The following CMSS1 variants were observed in gnomAD, a reference collection of about 807,000 sequenced individuals.
CMSS1 encodes cms1 ribosomal small subunit homolog.
Under a neutral mutation model 43.5 loss-of-function variants are expected in CMSS1, and 33 were observed. The observed-to-expected ratio is 0.76, with a 90% CI of 0.57 to 1.01. The LOEUF (loss-of-function observed/expected upper bound fraction) is 1.01, where lower values mean the gene tolerates loss of function less well. Among genes scored for constraint, CMSS1 ranks in the 50% least tolerant of loss-of-function variants. The pLI is 0.00. For missense variants in CMSS1, 313 were observed against 326.4 expected (o/e 0.96, Z 0.32); for synonymous variants, 115 against 117.2 (o/e 0.98, Z 0.12).
chr3:100,164,406 A>G (rs1339637208), intron 4 of CMSS1, among the ~76,000 whole-genome samples: 1 of 152,200 alleles, frequency 6.6e-6, no homozygotes, highest in African/African-American at 2.4e-5. Flanking sequence ...GAGAGAGTCA[A>G]AGCTCAGAAG....
intron 1 of CMSS1, among the ~76,000 whole-genome samples, chr3:100,015,020 T>C (rs991917060): frequency 6.6e-6 from 1 of 151,168 alleles, no homozygotes; most frequent in Non-Finnish European, 1.5e-5. Flanking sequence ...AGTTTTATAA[T>C]TTCAGGTTTT....
chr3:100,047,082 T>C (rs193174832), intron 1 of CMSS1, among the ~76,000 whole-genome samples: 142 of 152,368 alleles, frequency 9.3e-4, no homozygotes, highest in African/African-American at 3.2e-3. Flanking sequence ...CCAAAACTGC[T>C]AAATGTTTAG....
intron 3 of CMSS1, among the ~76,000 whole-genome samples, chr3:100,161,053 CT>C (rs2067019113): frequency 6.6e-6 from 1 of 152,146 alleles, no homozygotes; most frequent in African/African-American, 2.4e-5. Flanking sequence ...CATATACAAA[CT>C]TTTTTATGGC....
At chr3:99,942,233 A>T (rs1231474274) in intron 1 of CMSS1, among the ~76,000 whole-genome samples, 4 of 151,886 alleles carry the variant, frequency 2.6e-5, no homozygotes, top group Non-Finnish European at 5.9e-5. Flanking sequence ...TGTTAATCTT[A>T]TTAGATGTGT....
chr3:100,075,815 A>AT (rs1163460155), intron 1 of CMSS1, among the ~76,000 whole-genome samples: 3 of 152,104 alleles, frequency 2.0e-5, no homozygotes, highest in Non-Finnish European at 4.4e-5. Context: ...GGGGCAATTT[A>AT]TCTCTGAGCT....
At chr3:99,876,524 G>A (rs1705533702) in intron 1 of CMSS1, among the ~76,000 whole-genome samples, 1 of 152,224 alleles carries the variant, frequency 6.6e-6, no homozygotes, top group African/African-American at 2.4e-5. Flanking sequence ...TACACATCCT[G>A]TTATTCTTAT....
At chr3:100,039,266 G>A (rs1187491949) in intron 1 of CMSS1, among the ~76,000 whole-genome samples, 1 of 152,084 alleles carries the variant, frequency 6.6e-6, no homozygotes, top group Non-Finnish European at 1.5e-5. Context: ...AAAAAACTGA[G>A]CAACCTTTTC....
At chr3:100,089,730 T>C (rs2066071396) in intron 1 of CMSS1, among the ~76,000 whole-genome samples, 1 of 152,220 alleles carries the variant, frequency 6.6e-6, no homozygotes, top group Non-Finnish European at 1.5e-5. Flanking sequence ...TAAGAATTCA[T>C]TGCTCGTTAA....
Position 99,928,870 on chromosome 3 carries a change from C to T in CMSS1, c.64+110827C>T, listed in dbSNP as rs181038688. Among the ~76,000 whole-genome samples the T allele has an allele frequency of 3.9e-5, 6 of 152,326 alleles. No individual in the cohort carries two copies. The East Asian group carries it at 1.2e-3, about 29-fold the overall frequency. ...AAATTTGGATTAAAGTGCAAATCAA[C>T]AGACTTTGGGTGGTCTCATCCTCAC... On this transcript the variant is annotated intron_variant, in intron 1 of 9. Transcript: ENST00000421999.
intron 1 of CMSS1, among the ~76,000 whole-genome samples, chr3:99,939,563 A>G (rs1280293567): frequency 6.6e-6 from 1 of 152,208 alleles, no homozygotes; most frequent in Non-Finnish European, 1.5e-5. Context: ...TTTCCCAGAT[A>G]TTAAACACAA....
intron 1 of CMSS1, among the ~76,000 whole-genome samples, chr3:99,981,176 A>C (rs1709112686): frequency 6.6e-6 from 1 of 152,180 alleles, no homozygotes; most frequent in African/African-American, 2.4e-5. Context: ...TGGTGCCAAT[A>C]GTTCTTTGAC....
chr3:100,129,379 ATTACC>A (rs993753835), intron 1 of CMSS1, among the ~76,000 whole-genome samples: 9 of 152,236 alleles, frequency 5.9e-5, no homozygotes, highest in African/African-American at 2.2e-4. Flanking sequence ...GGAAACCAAC[ATTACC>A]TTTGCTCTTT....
intron 1 of CMSS1, among the ~76,000 whole-genome samples, chr3:100,024,282 G>A (rs1365777933): frequency 2.0e-5 from 3 of 152,218 alleles, no homozygotes; most frequent in South Asian, 2.1e-4. Context: ...TAGGTTTGCC[G>A]ATTACAATTT....
At chr3:99,999,130 A>G (rs556726703) in intron 1 of CMSS1, among the ~76,000 whole-genome samples, 2 of 150,900 alleles carry the variant, frequency 1.3e-5, no homozygotes, top group South Asian at 4.2e-4. Context: ...TGCCAGTTTT[A>G]TGCCATGAAT....
intron 6 of CMSS1, among the ~76,000 whole-genome samples, chr3:100,170,934 C>G (rs944135696): frequency 6.6e-6 from 1 of 152,142 alleles, no homozygotes; most frequent in African/African-American, 2.4e-5. Context: ...GTGACTTGCC[C>G]ATATTTAAAA....
At chr3:100,056,377 G>GA (rs1312289940) in intron 1 of CMSS1, among the ~76,000 whole-genome samples, 1 of 152,126 alleles carries the variant, frequency 6.6e-6, no homozygotes, top group African/African-American at 2.4e-5. Context: ...AGGCTTTTTA[G>GA]AAACTTACAG....
At chr3:99,883,100 A>C (rs1003534322) in intron 1 of CMSS1, among the ~76,000 whole-genome samples, 2 of 152,216 alleles carry the variant, frequency 1.3e-5, no homozygotes, top group Non-Finnish European at 2.9e-5. Flanking sequence ...AGATATGTCA[A>C]AAGTCTTGTG....
chr3:99,818,447 A>T (rs891660946), intron 1 of CMSS1, among the ~76,000 whole-genome samples: 1 of 152,204 alleles, frequency 6.6e-6, no homozygotes, highest in Non-Finnish European at 1.5e-5. Flanking sequence ...CAGTATTCTG[A>T]TACTGTTTAG....
intron 1 of CMSS1, among the ~76,000 whole-genome samples, chr3:100,111,977 T>G (rs991309380): frequency 6.6e-5 from 10 of 152,216 alleles, no homozygotes; most frequent in African/African-American, 2.4e-4. Context: ...TCAGGGCATC[T>G]GGAGACCATG....
Sources: allele counts gnomAD v4.1 joint callset (sites outside exome capture counted in the v4.1 genomes callset), GRCh38; gene constraint gnomAD v4.1.1; transcripts MANE v1.5; gene names NCBI Gene and HGNC (gene_info 2026-07-23, HGNC 2026-07-21).